Variants in SNAP25 observed in about 807,000 individuals in gnomAD.
SNAP25 encodes synaptosome associated protein 25.
Under a neutral mutation model 28.7 loss-of-function variants are expected in SNAP25, and 3 were observed. The ratio of observed to expected loss-of-function variants is 0.10; its 90% CI spans 0.05 to 0.27. The LOEUF (loss-of-function observed/expected upper bound fraction) is 0.27, where lower values mean the gene tolerates loss of function less well. SNAP25 is among the 10% of genes least tolerant of loss of function. The pLI is 1.00. For synonymous variants in SNAP25, 61 were observed against 88.1 expected (o/e 0.69, Z 1.72); for missense variants, 117 against 278.7 (o/e 0.42, Z 4.13).
intron 1 of SNAP25, among the ~76,000 whole-genome samples, chr20:10,227,661 A>T (rs1215494818): frequency 6.6e-6 from 1 of 152,142 alleles, no homozygotes; most frequent in East Asian, 1.9e-4. Context: ...CTAACGAAGG[A>T]TCAAAGGATT....
chr20:10,296,608 T>C (rs756177183), intron 5 of SNAP25: 4 of 307,602 alleles, frequency 1.3e-5, no homozygotes, highest in Non-Finnish European at 2.4e-5. Context: ...ATCACTAAAA[T>C]AGAATTAAAT....
intron 1 of SNAP25, among the ~76,000 whole-genome samples, chr20:10,253,148 A>T (rs2063260813): frequency 6.6e-6 from 1 of 152,220 alleles, no homozygotes; most frequent in Non-Finnish European, 1.5e-5. Flanking sequence ...CCCTAAGGAC[A>T]CTCAGAACTG....
chr20:10,275,399 T>A, intron 1 of SNAP25, 30 bp from the exon 2 acceptor site: 2 of 1,118,650 alleles, frequency 1.8e-6, no homozygotes, highest in South Asian at 1.5e-5. Context: ...ATATATAAGC[T>A]CTCATATTTT....
intron 3 of SNAP25, among the ~76,000 whole-genome samples, chr20:10,282,441 GT>G (rs1423535226): frequency 6.6e-6 from 1 of 152,172 alleles, no homozygotes; most frequent in Non-Finnish European, 1.5e-5. Context: ...CTCTGCTTCT[GT>G]TCTCCCAAAC....
chr20:10,224,255 G>GCCTT (rs2062689023), intron 1 of SNAP25, among the ~76,000 whole-genome samples: 1 of 24,066 alleles, frequency 4.2e-5, no homozygotes, highest in East Asian at 1.1e-3. Flanking sequence ...GAATGTACAT[G>GCCTT]TCTTTTTTTT....
chr20:10,223,545 C>A (rs2062673839), intron 1 of SNAP25, among the ~76,000 whole-genome samples: 1 of 152,024 alleles, frequency 6.6e-6, no homozygotes, highest in South Asian at 2.1e-4. Context: ...ACATTTGATG[C>A]TTTAGGAGGT....
At chr20:10,226,547 T>A (rs1205122681) in intron 1 of SNAP25, among the ~76,000 whole-genome samples, 1 of 152,140 alleles carries the variant, frequency 6.6e-6, no homozygotes, top group African/African-American at 2.4e-5. Flanking sequence ...TGTGTTATGC[T>A]AGGTGTCCCC....
chr20:10,293,120 C>A lies in SNAP25; in HGVS notation c.164-41C>A. The A allele has an allele frequency of 6.5e-7, 1 of 1,542,538 alleles. No individual in the cohort carries two copies. The highest frequency in any genetic ancestry group is 8.8e-7 in the Non-Finnish European group (1 of 1,130,204). On this transcript the variant is annotated intron_variant, in intron 4 of 7. Transcript: ENST00000254976. The surrounding 1 kb of genome is among the most constrained non-coding windows in gnomAD (Gnocchi z 5.6). ...TCTTTTTTTCTTTGTCCTTTTCCAT[C>A]TGCTTCATTCTGTGGGGATAAAATA...
In SNAP25 at chr20:10,301,779, T is replaced by C. The variant is rs1420117813; in HGVS notation, c.552+2367T>C. On this transcript the variant is annotated intron_variant, in intron 7 of 7. Transcript: ENST00000254976. Reference sequence around the variant, plus strand: ...ACATCCTCATGGATTGTCAAGAAATTACTTTATTTAAAAATCTCGTTTTCT... The same window carrying C: ...ACATCCTCATGGATTGTCAAGAAATCACTTTATTTAAAAATCTCGTTTTCT... 4.0e-5 allele frequency among the ~76,000 whole-genome samples: 6 copies of C among 150,942 alleles called. No individual in the cohort carries two copies. The East Asian group carries it at 7.8e-4, about 20-fold the overall frequency.
At chr20:10,233,014 C>G (rs1046248342) in intron 1 of SNAP25, among the ~76,000 whole-genome samples, 8 of 152,180 alleles carry the variant, frequency 5.3e-5, no homozygotes, top group Non-Finnish European at 8.8e-5. Context: ...TCTCATTTGT[C>G]TCCCCAATTT....
At chr20:10,297,584 CACCA>C (rs2064140423) in intron 6 of SNAP25, among the ~76,000 whole-genome samples, 19 of 152,170 alleles carry the variant, frequency 1.2e-4, no homozygotes, top group South Asian at 1.0e-3. Context: ...AAGTTGTTAC[CACCA>C]TAGTCCTGGG....
At position 10,293,397 on chromosome 20, in the gene SNAP25, A is replaced by G. The variant is rs2064040651; in HGVS notation, c.281+119A>G. 1.4e-6 allele frequency: 1 copy of G among 713,450 alleles called. No individual in the cohort carries two copies. Among genetic ancestry groups the G allele is most frequent in the South Asian group, 1.7e-5 (1 of 57,724 alleles). The allele number at this position is 713,450 out of a possible 1,614,324, so 44.2% of individuals were successfully genotyped here. A position where few individuals can be genotyped will look rare whatever the true frequency, so the allele number is the denominator to read the frequency against. The stretch of plus-strand genomic sequence containing the variant: ...AGCATGTGGCATGCAGAACAGATCA[A>G]TACCGTCTCCAATGCATTCATCTCA... On this transcript the variant is annotated intron_variant, in intron 5 of 7. Transcript: ENST00000254976. The surrounding 1 kb of genome is among the most constrained non-coding windows in gnomAD (Gnocchi z 5.6).
At chr20:10,277,797 T>C in intron 3 of SNAP25, 71 bp downstream of exon 3, 1 of 1,401,224 alleles carries the variant, frequency 7.1e-7, no homozygotes, top group Non-Finnish European at 1.0e-6. Context: ...CTAGTTGCTA[T>C]GATGTTTCCT....
intron 4 of SNAP25, among the ~76,000 whole-genome samples, chr20:10,285,186 G>C (rs1409400201): frequency 6.6e-6 from 1 of 152,010 alleles, no homozygotes; most frequent in Non-Finnish European, 1.5e-5. Flanking sequence ...TACTTCTTTT[G>C]ACCATCCCAA....
intron 1 of SNAP25, among the ~76,000 whole-genome samples, chr20:10,252,588 AAC>A (rs1329590533): frequency 1.3e-5 from 2 of 152,212 alleles, no homozygotes; most frequent in Non-Finnish European, 2.9e-5. Flanking sequence ...GTTAAAATTT[AAC>A]AGATTTTGAA....
At position 10,275,520 on chromosome 20, in the gene SNAP25, A is replaced by T. The variant is rs1156706832; in HGVS notation, c.29A>T (p.Glu10Val). The change falls in exon 2 of 8, where the codon GAG becomes GTG. Residue 10 changes from glutamate to valine, a missense_variant. Around this residue, in one of 3 missense-constraint regions of SNAP25, gnomAD observed 29 missense variants for 53.5 expected, o/e 0.54. Coordinates refer to ENST00000254976, the MANE Select transcript of SNAP25 (RefSeq NM_130811.4). MAEDADMRN[E>V]LEEMQRRADQ... ...GCCGAAGACGCAGACATGCGCAATG[A>T]GCTGGAGGAGATGCAGCGAAGGGCT... 6.2e-7 allele frequency: 1 copy of T among 1,606,328 alleles called. No individual in the cohort carries two copies. Among genetic ancestry groups the T allele is most frequent in the Admixed American group, 1.7e-5 (1 of 59,280 alleles).
chr20:10,271,635 G>A (rs551441019), intron 1 of SNAP25, among the ~76,000 whole-genome samples: 9 of 152,340 alleles, frequency 5.9e-5, no homozygotes, highest in African/African-American at 2.2e-4. Context: ...GAGCCAGGGC[G>A]CCCTACAGCT....
intron 4 of SNAP25, among the ~76,000 whole-genome samples, chr20:10,292,228 T>C (rs1337470210): frequency 6.6e-6 from 1 of 152,228 alleles, no homozygotes; most frequent in Non-Finnish European, 1.5e-5. Context: ...CATAGGATGA[T>C]AGAGGAATTG....
chr20:10,298,831 T>C lies in SNAP25; in HGVS notation c.408-437T>C, dbSNP rs1164018709. ...ATAAGCTTTTTATTGTATTCTTAAT[T>C]TGAGTCTTAGAAATTTTGAGACTTA... On this transcript the variant is annotated intron_variant, in intron 6 of 7. Transcript: ENST00000254976. 2.6e-5 allele frequency among the ~76,000 whole-genome samples: 4 copies of C among 152,244 alleles called. No individual in the cohort carries two copies. In the East Asian group the frequency reaches 5.8e-4, roughly 22 times the overall value.
Sources: allele counts gnomAD v4.1 joint callset (sites outside exome capture counted in the v4.1 genomes callset), GRCh38; gene constraint gnomAD v4.1.1; regional missense constraint gnomAD v4.1.1; non-coding constraint Gnocchi (gnomAD v3.1); transcripts MANE v1.5; gene names NCBI Gene and HGNC (gene_info 2026-07-23, HGNC 2026-07-21).